Variants in PALD1 observed in about 807,000 individuals in gnomAD.
The protein encoded by PALD1 is phosphatase domain containing paladin 1, also known as paladin.
In PALD1, 57 loss-of-function variants were observed where a neutral mutation model predicts 96.0. The ratio of observed to expected loss-of-function variants is 0.59; its 90% CI spans 0.48 to 0.74. PALD1 has a LOEUF of 0.74. PALD1 is among the 30% of genes least tolerant of loss of function. PALD1 has a pLI of 0.00. For synonymous variants in PALD1, 464 were observed against 473.6 expected, an observed-to-expected ratio of 0.98 and a Z score of 0.26; for missense variants, 1,063 against 1,143.7, an observed-to-expected ratio of 0.93 and a Z score of 1.02.
intron 12 of PALD1, 86 bp from the exon 13 acceptor site, chr10:70,538,806 C>T: frequency 1.8e-6 from 2 of 1,112,722 alleles, no homozygotes; most frequent in East Asian, 4.7e-5. Flanking sequence ...TCCACCCCAC[C>T]CCCCGTCTGC....
the PALD1 span, among the ~76,000 whole-genome samples, chr10:70,471,785 G>A: frequency 6.6e-6 from 1 of 152,248 alleles, no homozygotes; most frequent in East Asian, 1.9e-4. Flanking sequence ...AAAAGTGTGA[G>A]AATATCTGTT....
chr10:70,533,193 A>G, intron 7 of PALD1, 123 bp downstream of exon 7: 1 of 774,174 alleles, frequency 1.3e-6, no homozygotes, highest in Non-Finnish European at 2.2e-6. Flanking sequence ...TGTGTATGTG[A>G]GCATGTTAGG....
chr10:70,545,288 A>C (rs1295697092), intron 17 of PALD1, among the ~76,000 whole-genome samples: 1 of 152,148 alleles, frequency 6.6e-6, no homozygotes, highest in Non-Finnish European at 1.5e-5. Context: ...TAAGAGAGCC[A>C]TGAAGAGATC....
intron 18 of PALD1, among the ~76,000 whole-genome samples, chr10:70,554,918 T>TC: frequency 3.6e-5 from 1 of 27,962 alleles, no homozygotes; most frequent in Non-Finnish European, 6.7e-5. Flanking sequence ...TCCCCTCTCC[T>TC]CCCCTCCCCC....
intron 17 of PALD1, among the ~76,000 whole-genome samples, chr10:70,546,015 T>C (rs1365857159): frequency 6.6e-6 from 1 of 152,012 alleles, no homozygotes; most frequent in African/African-American, 2.4e-5. Context: ...GGCGGGTGGA[T>C]CACCTGAGGC....
chr10:70,548,311 A>G (rs959542988), intron 18 of PALD1, among the ~76,000 whole-genome samples: 7 of 152,016 alleles, frequency 4.6e-5, no homozygotes, highest in Admixed American at 2.0e-4. Flanking sequence ...AAAAAAAAAA[A>G]GTTTCATAAT....
At chr10:70,463,467 A>G in the PALD1 span, among the ~76,000 whole-genome samples, 1 of 152,004 alleles carries the variant, frequency 6.6e-6, no homozygotes, top group Admixed American at 6.5e-5. Flanking sequence ...TAGAGGAGAA[A>G]AGGTGGTGAG....
At chr10:70,547,240 G>T (rs1330776315) in intron 17 of PALD1, 66 bp from the exon 18 acceptor site, 1 of 1,493,028 alleles carries the variant, frequency 6.7e-7, no homozygotes, top group Non-Finnish European at 9.3e-7. Context: ...GAGGGTGCAA[G>T]CCTGGTGCTT....
chr10:70,512,594 G>C (rs1846534832), intron 1 of PALD1, among the ~76,000 whole-genome samples: 1 of 152,278 alleles, frequency 6.6e-6, no homozygotes, highest in Non-Finnish European at 1.5e-5. Context: ...TGAGGCCCGA[G>C]GGCAAGGGCC....
At chr10:70,506,099 T>C (rs929663163) in intron 1 of PALD1, among the ~76,000 whole-genome samples, 2 of 152,212 alleles carry the variant, frequency 1.3e-5, no homozygotes, top group Non-Finnish European at 2.9e-5. Flanking sequence ...TTCTTGGGCC[T>C]TACATGCACT....
intron 1 of PALD1, among the ~76,000 whole-genome samples, chr10:70,500,570 A>G (rs937021211): frequency 6.6e-6 from 1 of 152,120 alleles, no homozygotes; most frequent in Non-Finnish European, 1.5e-5. Context: ...AATGTTGCTC[A>G]TCCTTTAAGT....
At chr10:70,533,519 C>T (rs950327631) in intron 7 of PALD1, among the ~76,000 whole-genome samples, 1 of 152,184 alleles carries the variant, frequency 6.6e-6, no homozygotes, top group Non-Finnish European at 1.5e-5. Context: ...CTAATCACCT[C>T]ACCTCTCTAG....
intron 1 of PALD1, among the ~76,000 whole-genome samples, chr10:70,509,182 C>T (rs1173241097): frequency 6.6e-6 from 1 of 152,164 alleles, no homozygotes; most frequent in Non-Finnish European, 1.5e-5. Flanking sequence ...GTTCTTTGCC[C>T]CCTGCCGGTC....
intron 1 of PALD1, among the ~76,000 whole-genome samples, chr10:70,492,977 G>A (rs1846124187): frequency 6.6e-6 from 1 of 152,194 alleles, no homozygotes; most frequent in African/African-American, 2.4e-5. Context: ...GGAATCCTGG[G>A]ATCTCCCTTG....
chr10:70,506,898 GGGGGTGGTCAAAGGTC>G (rs1006066089), intron 1 of PALD1, among the ~76,000 whole-genome samples: 7 of 152,074 alleles, frequency 4.6e-5, no homozygotes, highest in Non-Finnish European at 7.4e-5. Flanking sequence ...ACCTGGGGGT[GGGGGTGGTCAAAGGTC>G]AGCGCCTTCC....
At chr10:70,559,012 T>G (rs1364673431) in intron 18 of PALD1, among the ~76,000 whole-genome samples, 1 of 152,058 alleles carries the variant, frequency 6.6e-6, no homozygotes, top group Non-Finnish European at 1.5e-5. Context: ...ATTGTGTCAT[T>G]TGCGTAGGAG....
chr10:70,504,073 T>G (rs185095787), intron 1 of PALD1, among the ~76,000 whole-genome samples: 25 of 152,318 alleles, frequency 1.6e-4, no homozygotes, highest in Admixed American at 3.9e-4. Context: ...CCTGCAAAAA[T>G]GGGAGTAAGG....
upstream of PALD1, among the ~76,000 whole-genome samples, chr10:70,476,507 G>C (rs1250629902): frequency 1.3e-5 from 2 of 152,188 alleles, no homozygotes; most frequent in East Asian, 3.9e-4. Context: ...AGGCCCTCTG[G>C]GGGGCTGGTG....
At chr10:70,546,857 A>G (rs956699808) in intron 17 of PALD1, among the ~76,000 whole-genome samples, 3 of 152,188 alleles carry the variant, frequency 2.0e-5, no homozygotes, top group Admixed American at 1.3e-4. Context: ...AGGCTGGGGT[A>G]GGAGGATCAC....
Sources: gnomAD v4.1 joint callset for allele counts (sites outside exome capture counted in the v4.1 genomes callset) on GRCh38, gnomAD v4.1.1 for gene constraint, MANE v1.5 for transcripts, NCBI Gene and HGNC (gene_info 2026-07-23, HGNC 2026-07-21) for gene names.